The following TNFAIP8 variants were observed in gnomAD, a reference collection of about 807,000 sequenced individuals.
TNFAIP8 encodes TNF alpha induced protein 8.
TNFAIP8 carries 7 observed loss-of-function variants against 13.3 expected under a neutral mutation model. The ratio of observed to expected loss-of-function variants is 0.52; its 90% confidence interval spans 0.30 to 0.99. TNFAIP8 has a LOEUF of 0.99. Among genes scored for constraint, TNFAIP8 ranks in the 50% least tolerant of loss-of-function variants. The pLI is 0.07. For missense variants in TNFAIP8, 258 were observed against 236.9 expected (o/e 1.09, Z -0.58); for synonymous variants, 94 against 87.6 (o/e 1.07, Z -0.41).
chr5:119,314,608 A>G (rs1220239230), intron 1 of TNFAIP8, among the ~76,000 whole-genome samples: 1 of 152,220 alleles, frequency 6.6e-6, no homozygotes, highest in Non-Finnish European at 1.5e-5. Context: ...AGTTGAGTTC[A>G]TATCACTGAT....
At chr5:119,336,876 A>C (rs1323978324) in intron 1 of TNFAIP8, among the ~76,000 whole-genome samples, 1 of 152,234 alleles carries the variant, frequency 6.6e-6, no homozygotes, top group Non-Finnish European at 1.5e-5. Context: ...AGTACAGCTT[A>C]ACATGGACCA....
At chr5:119,372,696 A>T (rs1040446281) in intron 1 of TNFAIP8, among the ~76,000 whole-genome samples, 1 of 152,214 alleles carries the variant, frequency 6.6e-6, no homozygotes, top group African/African-American at 2.4e-5. Context: ...ACTATGGCTC[A>T]TGCCTGTAAT....
intron 1 of TNFAIP8, chr5:119,306,211 G>C (rs973180994): frequency 8.5e-5 from 13 of 152,084 alleles, no homozygotes; most frequent in African/African-American, 3.1e-4. Context: ...AGAAGAGCTA[G>C]GTGCTTAGGA....
In TNFAIP8 at chr5:119,287,107, G is replaced by A. The variant is rs550467940; in HGVS notation, c.1+18200G>A. 4.6e-5 allele frequency among the ~76,000 whole-genome samples: 7 copies of A among 152,162 alleles called. No homozygotes were observed. The South Asian group carries it at 1.5e-3, about 32-fold the overall frequency. On this transcript the variant is annotated intron_variant, in intron 1 of 1. Transcript: ENST00000274456. Reference sequence around the variant, plus strand: ...CTACCCTTTAGGAGCCAGTTCAGATGCTGCCTCCTCCAGGAAACCTTTTCT... The same window carrying A: ...CTACCCTTTAGGAGCCAGTTCAGATACTGCCTCCTCCAGGAAACCTTTTCT...
chr5:119,273,736 G>A (rs765169328), intron 1 of TNFAIP8, among the ~76,000 whole-genome samples: 1 of 152,174 alleles, frequency 6.6e-6, no homozygotes, highest in Admixed American at 6.5e-5. Context: ...AAAGGGAATC[G>A]GGCTGGCATG....
chr5:119,372,234 GGATCAC>G (rs1424902709), intron 1 of TNFAIP8, among the ~76,000 whole-genome samples: 1 of 151,018 alleles, frequency 6.6e-6, no homozygotes, highest in East Asian at 1.9e-4. Flanking sequence ...AGGCTGAGGT[GGATCAC>G]CTAAGCCTGG....
At chr5:119,365,083 C>G (rs922975246) in intron 1 of TNFAIP8, among the ~76,000 whole-genome samples, 4 of 151,928 alleles carry the variant, frequency 2.6e-5, no homozygotes, top group Non-Finnish European at 5.9e-5. Context: ...AACTCCTGAC[C>G]TCAGGTGATC....
At chr5:119,355,678 C>G (rs1427743690), upstream of TNFAIP8, 3 of 344,654 alleles carry the variant, frequency 8.7e-6, no homozygotes, top group African/African-American at 4.3e-5. Flanking sequence ...TGAGATGAGA[C>G]TTTTTTTTTC....
At chr5:119,324,274 C>CAAAAAAAAAAAAAAAAAAA (rs56104829) in intron 1 of TNFAIP8, among the ~76,000 whole-genome samples, 2 of 77,670 alleles carry the variant, frequency 2.6e-5, no homozygotes, top group African/African-American at 9.7e-5. Flanking sequence ...GACGCCATCT[C>CAAAAAAAAAAAAAAAAAAA]AAAAAAAAAA....
intron 1 of TNFAIP8, among the ~76,000 whole-genome samples, chr5:119,380,274 T>C (rs959504460): frequency 6.6e-5 from 10 of 152,254 alleles, no homozygotes; most frequent in African/African-American, 2.4e-4. Context: ...CTTTGTTATG[T>C]GGCCAGGAGC....
At chr5:119,279,659 A>G (rs1189531538) in intron 1 of TNFAIP8, among the ~76,000 whole-genome samples, 1 of 152,090 alleles carries the variant, frequency 6.6e-6, no homozygotes, top group Non-Finnish European at 1.5e-5. Flanking sequence ...ATAGCACACT[A>G]CAACCTCAAA....
chr5:119,330,250 T>C (rs956017343), intron 1 of TNFAIP8, among the ~76,000 whole-genome samples: 1 of 152,222 alleles, frequency 6.6e-6, no homozygotes, highest in Non-Finnish European at 1.5e-5. Flanking sequence ...TTAGGGAACG[T>C]CCTGGGAATG....
rs189494003 is a variant in TNFAIP8, at chr5:119,268,877, G to A, written c.-30G>A. The A allele has an allele frequency of 1.4e-3, 1,011 of 702,292 alleles. 10 individuals are homozygous for A. The African/African-American group carries it at 0.016, about 11-fold the overall frequency. 43.5% of individuals were successfully genotyped at this position (702,292 alleles called of 1,614,324 possible). ...GCCAAACAGCCCAGCTCGCGCTTCA[G>A]CGTCCCGGCGCCGTCGCGCCACTCC... On this transcript the variant is annotated 5_prime_UTR_variant, in exon 1 of 2. Coordinates refer to the TNFAIP8 transcript ENST00000274456.
chr5:119,364,841 GTTTTTTTTTTT>G (rs10714712), intron 1 of TNFAIP8, among the ~76,000 whole-genome samples: 9 of 88,710 alleles, frequency 1.0e-4, no homozygotes, highest in African/African-American at 2.8e-4. Context: ...TTTCTTTTCA[GTTTTTTTTTTT>G]TTTTTTTTTT....
intron 1 of TNFAIP8, among the ~76,000 whole-genome samples, chr5:119,284,126 C>A (rs930266939): frequency 6.6e-6 from 1 of 152,134 alleles, no homozygotes; most frequent in Non-Finnish European, 1.5e-5. Flanking sequence ...ATTATTATCC[C>A]CATTTTAAAG....
intron 1 of TNFAIP8, among the ~76,000 whole-genome samples, chr5:119,385,646 A>G (rs1337397879): frequency 6.6e-6 from 1 of 152,230 alleles, no homozygotes; most frequent in Non-Finnish European, 1.5e-5. Flanking sequence ...AATATGTTAT[A>G]TATTTTAAAT....
chr5:119,270,404 A>G (rs532507098), intron 1 of TNFAIP8, among the ~76,000 whole-genome samples: 10 of 152,368 alleles, frequency 6.6e-5, no homozygotes, highest in Admixed American at 3.9e-4. Context: ...TAGATCTGTC[A>G]TGAGCAGTTA....
chr5:119,339,760 C>T (rs748955034), intron 1 of TNFAIP8, among the ~76,000 whole-genome samples: 12 of 152,072 alleles, frequency 7.9e-5, no homozygotes, highest in Admixed American at 1.3e-4. Flanking sequence ...TTACATGCTC[C>T]GATAAAACAC....
chr5:119,325,348 CATATA>C (rs199601485), intron 1 of TNFAIP8, among the ~76,000 whole-genome samples: 1,576 of 152,310 alleles, frequency 0.01, 22 homozygotes, highest in African/African-American at 0.035. Context: ...ACATTCCTGT[CATATA>C]ATATAAACTC....
Sources: gnomAD v4.1 joint callset for allele counts (sites outside exome capture counted in the v4.1 genomes callset) on GRCh38, gnomAD v4.1.1 for gene constraint, MANE v1.5 for transcripts, NCBI Gene and HGNC (gene_info 2026-07-23, HGNC 2026-07-21) for gene names.